The following CCDC112 variants were observed in gnomAD, a reference collection of about 807,000 sequenced individuals.
The protein encoded by CCDC112 is coiled-coil domain containing 112.
Under a neutral mutation model 66.3 loss-of-function variants are expected in CCDC112, and 40 were observed. The ratio of observed to expected loss-of-function variants is 0.60; its 90% CI spans 0.47 to 0.79. The LOEUF (loss-of-function observed/expected upper bound fraction) is 0.79, where lower values mean the gene tolerates loss of function less well. Ranked by LOEUF, CCDC112 falls within the 30% of genes least tolerant of loss-of-function variation. CCDC112 has a pLI of 0.00. For synonymous variants in CCDC112, 214 were observed against 197.2 expected, an observed-to-expected ratio of 1.09 and a Z score of -0.71; for missense variants, 659 against 603.8, an observed-to-expected ratio of 1.09 and a Z score of -0.96.
intron 1 of CCDC112, 80 bp from the exon 2 acceptor site, chr5:115,284,988 G>T: frequency 7.6e-7 from 1 of 1,315,824 alleles, no homozygotes; most frequent in South Asian, 1.4e-5. Context: ...GAGATAAAAT[G>T]TCAATAGTTG....
chr5:115,286,690 T>C (rs182723387), intron 1 of CCDC112, among the ~76,000 whole-genome samples: 10 of 152,092 alleles, frequency 6.6e-5, no homozygotes, highest in East Asian at 1.9e-4. Flanking sequence ...GGTGGGAGAA[T>C]AGCTTGAGCT....
intron 1 of CCDC112, among the ~76,000 whole-genome samples, chr5:115,289,495 T>C (rs1215147029): frequency 6.6e-6 from 1 of 152,232 alleles, no homozygotes; most frequent in Non-Finnish European, 1.5e-5. Flanking sequence ...GTTCCTACTT[T>C]ACAGAACCCA....
chr5:115,279,616 C>T, intron 3 of CCDC112, 31 bp downstream of exon 3: 1 of 1,605,888 alleles, frequency 6.2e-7, no homozygotes, highest in Non-Finnish European at 8.5e-7. Context: ...TATCGCTCAA[C>T]AGTTTTTAGT....
intron 2 of CCDC112, among the ~76,000 whole-genome samples, chr5:115,282,461 T>A (rs1749497514): frequency 6.6e-6 from 1 of 152,094 alleles, no homozygotes; most frequent in South Asian, 2.1e-4. Context: ...ATTATGCAAT[T>A]TCACCCCAAC....
intron 1 of CCDC112, chr5:115,295,864 G>C: frequency 2.0e-6 from 2 of 983,560 alleles, no homozygotes; most frequent in Non-Finnish European, 1.2e-6. Context: ...ATTTTAGGGA[G>C]ATCATGGAAA....
At chr5:115,295,509 C>T (rs898269167) in intron 1 of CCDC112, among the ~76,000 whole-genome samples, 1 of 152,132 alleles carries the variant, frequency 6.6e-6, no homozygotes, top group Non-Finnish European at 1.5e-5. Context: ...AGTAAAGACA[C>T]TGTATTTCCT....
At chr5:115,277,097 A>G in intron 3 of CCDC112, 43 bp from the exon 4 acceptor site, 1 of 1,180,776 alleles carries the variant, frequency 8.5e-7, no homozygotes, top group South Asian at 1.2e-5. Context: ...TCTGTGACAA[A>G]TGTGGTTACA....
At chr5:115,274,718 T>A (rs1003291619) in intron 6 of CCDC112, among the ~76,000 whole-genome samples, 2 of 152,188 alleles carry the variant, frequency 1.3e-5, no homozygotes, top group Non-Finnish European at 2.9e-5. Context: ...GTTGTTCTAT[T>A]AATTGGGTAA....
intron 2 of CCDC112, among the ~76,000 whole-genome samples, chr5:115,280,841 A>C (rs1392737912): frequency 6.6e-6 from 1 of 151,932 alleles, no homozygotes; most frequent in Non-Finnish European, 1.5e-5. Context: ...ATGCCCAGCC[A>C]AAATTAATTT....
chr5:115,270,504 C>G (rs1748951478), intron 7 of CCDC112, among the ~76,000 whole-genome samples: 1 of 151,966 alleles, frequency 6.6e-6, no homozygotes, highest in Non-Finnish European at 1.5e-5. Flanking sequence ...TTAATTTGAC[C>G]ACCCAGCAAT....
intron 6 of CCDC112, among the ~76,000 whole-genome samples, chr5:115,272,941 T>C (rs963065152): frequency 1.3e-5 from 2 of 151,918 alleles, no homozygotes; most frequent in Non-Finnish European, 2.9e-5. Context: ...AAATTTTCTA[T>C]GGAAAAAAAA....
chr5:115,275,098 G>A (rs1009325840), intron 6 of CCDC112, 118 bp downstream of exon 6: 15 of 765,976 alleles, frequency 2.0e-5, no homozygotes, highest in Admixed American at 1.2e-4. Flanking sequence ...TGTCGGGGGC[G>A]GGGAACTATA....
chr5:115,281,576 A>G (rs562038839), intron 2 of CCDC112, among the ~76,000 whole-genome samples: 1 of 152,282 alleles, frequency 6.6e-6, no homozygotes, highest in African/African-American at 2.4e-5. Flanking sequence ...CTGGTTGCAG[A>G]TGGGGAAAAT....
In CCDC112 at chr5:115,271,392, T is replaced by C. The variant is rs1460050074; in HGVS notation, c.1153A>G (p.Lys385Glu). ...SQLKEEEEKE[K>E]KHQKERQRQF... Reference sequence around the variant, plus strand: ...CGCTGGCGTTCTTTCTGATGTTTTTTCTCTTTCTCTTCTTCTTCTTTTAAC... The same window carrying C: ...CGCTGGCGTTCTTTCTGATGTTTTTCCTCTTTCTCTTCTTCTTCTTTTAAC... The change falls in exon 7 of 10, where the codon AAA (lysine) becomes GAA (glutamate). Residue 385 changes from lysine to glutamate, a missense_variant. Transcript: ENST00000379611. 1.9e-6 allele frequency: 3 copies of C among 1,609,768 alleles called. No individual in the cohort carries two copies. The highest frequency in any genetic ancestry group is 2.5e-6 in the Non-Finnish European group (3 of 1,179,242).
chr5:115,290,652 T>G (rs994303192), intron 1 of CCDC112, among the ~76,000 whole-genome samples: 1 of 152,212 alleles, frequency 6.6e-6, no homozygotes, highest in African/African-American at 2.4e-5. Context: ...TCTCCTTTAA[T>G]TTTTTGAATA....
intron 1 of CCDC112, 103 bp downstream of exon 1, chr5:115,296,324 C>T: frequency 2.2e-6 from 3 of 1,352,432 alleles, no homozygotes; most frequent in Admixed American, 7.4e-5. Context: ...GCAGGGGAGG[C>T]GAACGCCGCG....
intron 1 of CCDC112, among the ~76,000 whole-genome samples, chr5:115,292,149 G>T (rs77746975): frequency 6.6e-6 from 1 of 151,854 alleles, no homozygotes; most frequent in South Asian, 2.1e-4. Context: ...TATGCCTAAC[G>T]GTATCTCACA....
chr5:115,269,549 CA>C, intron 8 of CCDC112, 153 bp downstream of exon 8: 1 of 556,250 alleles, frequency 1.8e-6, no homozygotes, highest in Non-Finnish European at 3.1e-6. Flanking sequence ...TAAATTGTAC[CA>C]AGTTATGCTT....
At position 115,295,915 on chromosome 5, in the gene CCDC112, C is replaced by G. The variant is rs1157390469; in HGVS notation, c.117+512G>C. 1.0e-5 allele frequency: 10 copies of G among 985,548 alleles called. No homozygotes were observed. In the East Asian group the frequency reaches 9.1e-4, roughly 89 times the overall value. 61.1% of individuals were successfully genotyped at this position (985,548 alleles called of 1,614,324 possible). Reference sequence around the variant, plus strand: ...TAACATCTGAACAAAGATACCTTGTCCTCACCACCTAGAAAGCGGTCCTAA... The same window carrying G: ...TAACATCTGAACAAAGATACCTTGTGCTCACCACCTAGAAAGCGGTCCTAA... On this transcript the variant is annotated intron_variant, in intron 1 of 9. Transcript: ENST00000379611.
Sources: allele counts gnomAD v4.1 joint callset (sites outside exome capture counted in the v4.1 genomes callset), GRCh38; gene constraint gnomAD v4.1.1; transcripts MANE v1.5; gene names NCBI Gene and HGNC (gene_info 2026-07-23, HGNC 2026-07-21).